Variants in PTPRN2 observed in about 807,000 individuals in gnomAD.
PTPRN2 encodes the protein receptor-type tyrosine-protein phosphatase N2.
In PTPRN2, 74 loss-of-function variants were observed where a neutral mutation model predicts 118.8. The observed-to-expected ratio is 0.62, with a 90% CI of 0.52 to 0.76. PTPRN2 has a LOEUF of 0.76. Ranked by LOEUF, PTPRN2 falls within the 30% of genes least tolerant of loss-of-function variation. The probability of loss-of-function intolerance (pLI) is 0.00; values close to 1 mark genes in which losing one functional copy is unlikely to be tolerated. For synonymous variants in PTPRN2, 641 were observed against 608.0 expected (o/e 1.05, Z -0.80); for missense variants, 1,481 against 1,394.4 (o/e 1.06, Z -0.99).
Position 158,233,487 on chromosome 7 carries a change from C to A in PTPRN2, c.278-28214G>T, listed in dbSNP as rs113354126. On this transcript the variant is annotated intron_variant, in intron 3 of 22. Coordinates refer to ENST00000389418, the MANE Select transcript of PTPRN2 (RefSeq NM_002847.5). ...AACTAATACTGTTAAAATGTCGATA[C>A]TACCCAAAGCAATTGACAGATTCAA... 2.9e-3 allele frequency among the ~76,000 whole-genome samples: 434 copies of A among 152,274 alleles called. 3 individuals are homozygous for A. Among genetic ancestry groups the A allele is most frequent in the African/African-American group, 0.01 (418 of 41,572 alleles).
chr7:158,264,856 C>A (rs1024098226), intron 3 of PTPRN2, among the ~76,000 whole-genome samples: 2 of 152,192 alleles, frequency 1.3e-5, no homozygotes, highest in African/African-American at 2.4e-5. Flanking sequence ...CTTGCTGGCA[C>A]TTTCCTTGAT....
chr7:157,606,803 C>T (rs1453733536), intron 15 of PTPRN2, among the ~76,000 whole-genome samples: 1 of 152,166 alleles, frequency 6.6e-6, no homozygotes, highest in Admixed American at 6.5e-5. Flanking sequence ...AACAACAAAT[C>T]CTAGGGCTTG....
At chr7:158,001,110 G>A (rs1481081577) in intron 11 of PTPRN2, among the ~76,000 whole-genome samples, 5 of 110,490 alleles carry the variant, frequency 4.5e-5, no homozygotes, top group Non-Finnish European at 9.4e-5. Context: ...GTGGGGTGCA[G>A]GGTGGGGGCT....
intron 6 of PTPRN2, among the ~76,000 whole-genome samples, chr7:158,155,732 ATCATC>A (rs1563529844): frequency 2.0e-5 from 1 of 50,854 alleles, no homozygotes; most frequent in African/African-American, 1.2e-4. Flanking sequence ...CACCATCACC[ATCATC>A]ACCATCATCA....
rs1201269304 is a variant in PTPRN2, at chr7:157,622,671, C to A, written c.2197-1162G>T. On this transcript the variant is annotated intron_variant, in intron 14 of 22. Transcript: ENST00000389418. This position sits in a 1 kb window ranked among gnomAD's most constrained non-coding sequence, Gnocchi z 5.3. The stretch of plus-strand genomic sequence containing the variant: ...CTCACACGGGAGCAGGTGCATCGGG[C>A]ACCTGTGCTGTTTGCGCGACACCCC... 6.6e-6 allele frequency among the ~76,000 whole-genome samples: 1 copy of A among 152,174 alleles called. No individual in the cohort carries two copies. The highest frequency in any genetic ancestry group is 1.5e-5 in the Non-Finnish European group (1 of 68,024).
chr7:157,836,914 C>T (rs1053633572), intron 12 of PTPRN2, among the ~76,000 whole-genome samples: 1 of 151,818 alleles, frequency 6.6e-6, no homozygotes, highest in Non-Finnish European at 1.5e-5. Context: ...ACCCACCCAC[C>T]CTGCACTCAC....
intron 14 of PTPRN2, among the ~76,000 whole-genome samples, chr7:157,626,986 C>G (rs1803623719): frequency 6.6e-6 from 1 of 152,220 alleles, no homozygotes; most frequent in Non-Finnish European, 1.5e-5. Context: ...CTGTAACAAC[C>G]TGAACCTAAC....
intron 11 of PTPRN2, among the ~76,000 whole-genome samples, chr7:157,980,337 T>C (rs1226425130): frequency 6.6e-6 from 1 of 152,228 alleles, no homozygotes; most frequent in Non-Finnish European, 1.5e-5. Context: ...GGGAAGAACA[T>C]TCTCCAAATA....
chr7:158,521,712 C>T (rs1824075441), intron 1 of PTPRN2, among the ~76,000 whole-genome samples: 1 of 110,842 alleles, frequency 9.0e-6, no homozygotes, highest in Non-Finnish European at 1.8e-5. Flanking sequence ...CAGGTAGTGG[C>T]TCAGGAGGGA....
chr7:157,824,488 C>G (rs75305609), intron 12 of PTPRN2, among the ~76,000 whole-genome samples: 2 of 152,326 alleles, frequency 1.3e-5, no homozygotes, highest in Non-Finnish European at 2.9e-5. Flanking sequence ...GCCTGCATGG[C>G]GTGAGGTGTG....
At chr7:157,901,188 A>G (rs1420099220) in intron 11 of PTPRN2, among the ~76,000 whole-genome samples, 1 of 152,102 alleles carries the variant, frequency 6.6e-6, no homozygotes, top group African/African-American at 2.4e-5. Flanking sequence ...GAAGTCGCTC[A>G]CCTCCACCCT....
At chr7:157,891,860 C>T (rs1246354019) in intron 12 of PTPRN2, among the ~76,000 whole-genome samples, 1 of 152,232 alleles carries the variant, frequency 6.6e-6, no homozygotes, top group African/African-American at 2.4e-5. Context: ...CCTCATCCCA[C>T]ACTGGACAGA....
intron 12 of PTPRN2, among the ~76,000 whole-genome samples, chr7:157,693,564 C>T (rs1797624493): frequency 6.6e-6 from 1 of 152,092 alleles, no homozygotes; most frequent in Non-Finnish European, 1.5e-5. Context: ...CCCAGCGACC[C>T]GGAGCACAGG....
chr7:158,163,493 C>G (rs1050082001), intron 6 of PTPRN2, among the ~76,000 whole-genome samples: 1 of 149,098 alleles, frequency 6.7e-6, no homozygotes, highest in African/African-American at 2.5e-5. Flanking sequence ...GATACCTGTA[C>G]GGGGTTCTCA....
intron 17 of PTPRN2, among the ~76,000 whole-genome samples, chr7:157,580,378 T>G (rs1459148962): frequency 6.6e-6 from 1 of 152,074 alleles, no homozygotes. Context: ...CACTTCCTGT[T>G]TGGTGAAGGG....
rs1227819813 is a variant in PTPRN2 at position 158,529,827 on chromosome 7, T to C, written c.113-40042A>G. On this transcript the variant is annotated intron_variant, in intron 1 of 22. Coordinates refer to ENST00000389418, the MANE Select transcript of PTPRN2 (RefSeq NM_002847.5). The surrounding 1 kb of genome is among the most constrained non-coding windows in gnomAD (Gnocchi z 4.7). ...GTTCTCAGCATCTCCTCTACACACATGGACAAACACCACACACACGTGTAC... is the reference window on the plus strand; with the variant it reads ...GTTCTCAGCATCTCCTCTACACACACGGACAAACACCACACACACGTGTAC... Among the ~76,000 whole-genome samples the C allele has an allele frequency of 1.3e-5, 2 of 152,076 alleles. No individual in the cohort carries two copies. Among genetic ancestry groups the C allele is most frequent in the East Asian group, 1.9e-4 (1 of 5,190 alleles).
chr7:158,378,184 C>A (rs113538974), intron 2 of PTPRN2, among the ~76,000 whole-genome samples: 126 of 152,322 alleles, frequency 8.3e-4, no homozygotes, highest in African/African-American at 2.9e-3. Context: ...GACACAAAAG[C>A]AAATAAAAGC....
intron 3 of PTPRN2, among the ~76,000 whole-genome samples, chr7:158,223,376 C>T (rs1828507646): frequency 6.6e-6 from 1 of 151,998 alleles, no homozygotes; most frequent in African/African-American, 2.4e-5. Context: ...TAAAAAGAAA[C>T]CTACAGACCA....
At chr7:158,366,263 C>A (rs1428514998) in intron 2 of PTPRN2, among the ~76,000 whole-genome samples, 1 of 147,612 alleles carries the variant, frequency 6.8e-6, no homozygotes, top group Non-Finnish European at 1.5e-5. Context: ...TGCACACACA[C>A]CCACACACCC....
Sources: allele counts gnomAD v4.1 joint callset (sites outside exome capture counted in the v4.1 genomes callset), GRCh38; gene constraint gnomAD v4.1.1; non-coding constraint Gnocchi (gnomAD v3.1); transcripts MANE v1.5; gene names NCBI Gene and HGNC (gene_info 2026-07-23, HGNC 2026-07-21).